POLR3C: variants seen among roughly 807,000 people sequenced by gnomAD.
POLR3C encodes DNA-directed RNA polymerase III subunit RPC3.
POLR3C carries 44 observed loss-of-function variants against 65.9 expected under a neutral mutation model. The ratio of observed to expected loss-of-function variants is 0.67; its 90% CI spans 0.52 to 0.86. POLR3C has a LOEUF of 0.86. Among genes scored for constraint, POLR3C ranks in the 40% least tolerant of loss-of-function variants. POLR3C has a pLI of 0.00. For missense variants in POLR3C, 576 were observed against 653.2 expected, an observed-to-expected ratio of 0.88 and a Z score of 1.29; for synonymous variants, 263 against 231.6, an observed-to-expected ratio of 1.14 and a Z score of -1.23.
At chr1:145,836,066 A>G (rs1430206555) in intron 7 of POLR3C, among the ~76,000 whole-genome samples, 1 of 151,572 alleles carries the variant, frequency 6.6e-6, no homozygotes, top group African/African-American at 2.4e-5. Flanking sequence ...TACTCTTACA[A>G]ACAATCCTGC....
chr1:145,840,080 C>T (rs782229509), intron 12 of POLR3C, 36 bp from the exon 13 acceptor site: 34 of 1,571,504 alleles, frequency 2.2e-5, no homozygotes, highest in Non-Finnish European at 2.7e-5. Context: ...TGAAATAGAA[C>T]TATGTGCATT....
intron 11 of POLR3C, among the ~76,000 whole-genome samples, chr1:145,838,671 AGT>A: frequency 6.6e-6 from 1 of 152,148 alleles, no homozygotes; most frequent in Non-Finnish European, 1.5e-5. Flanking sequence ...TGAGCAACAG[AGT>A]GAGACTCTGT....
chr1:145,827,258 G>T (rs1447598195), intron 4 of POLR3C, among the ~76,000 whole-genome samples: 1 of 152,144 alleles, frequency 6.6e-6, no homozygotes, highest in African/African-American at 2.4e-5. Flanking sequence ...TGAAGGAACT[G>T]TCATAGTATT....
At chr1:145,830,809 A>G (rs1651243371) in intron 5 of POLR3C, among the ~76,000 whole-genome samples, 1 of 151,562 alleles carries the variant, frequency 6.6e-6, no homozygotes, top group Non-Finnish European at 1.5e-5. Flanking sequence ...AAAAAAAAAA[A>G]AGAAATTGGG....
chr1:145,824,210 G>A lies in POLR3C; in HGVS notation c.-180G>A, dbSNP rs377048191. The A allele has an allele frequency of 2.7e-4, 84 of 306,462 alleles. 1 individual carries two copies. The Middle Eastern group carries it at 9.5e-3, about 35-fold the overall frequency. The allele number at this position is 306,462 out of a possible 1,614,324, so 19.0% of individuals were successfully genotyped here. A position where few individuals can be genotyped will look rare whatever the true frequency, so the allele number is the denominator to read the frequency against. ...CCGAAACTCTGGGGTAGAGTGGCAC[G>A]CGCTTTTTGCTTTTCCGCGTCTTCT... On this transcript the variant is annotated 5_prime_UTR_variant, in exon 1 of 15. Transcript: ENST00000334163.
At chr1:145,833,128 T>G (rs1651474228) in intron 5 of POLR3C, 132 bp from the exon 6 acceptor site, 2 of 594,820 alleles carry the variant, frequency 3.4e-6, no homozygotes, top group Admixed American at 6.5e-5. Flanking sequence ...CCAGTCTACA[T>G]GACTGAATGA....
chr1:145,831,026 G>A (rs958367039), intron 5 of POLR3C, among the ~76,000 whole-genome samples: 17 of 151,612 alleles, frequency 1.1e-4, no homozygotes, highest in Non-Finnish European at 2.1e-4. Context: ...TTGAGCCCAG[G>A]AAGTCAAGGC....
rs781836574 is a variant in POLR3C, at chr1:145,826,548, G to A, written c.242G>A (p.Arg81Gln). 40 of 1,613,936 alleles carry A rather than the reference G, an allele frequency of 2.5e-5. No individual in the cohort carries two copies. The South Asian group carries it at 4.0e-4, about 16-fold the overall frequency. The change falls in exon 3 of 15, where the codon CGG (arginine) becomes CAG (glutamine). Residue 81 changes from arginine to glutamine, a missense_variant. Transcript: ENST00000334163. ...GTGGAGTATGAAGCCCAGTGCAGCC[G>A]GGTATTGCGAATGCTTAGATATCCC... ...GVVEYEAQCS[R>Q]VLRMLRYPRY... is the part of the protein sequence containing the mutation.
At chr1:145,838,686 CAAAAAACAA>C (rs1487052116) in intron 11 of POLR3C, among the ~76,000 whole-genome samples, 2 of 151,476 alleles carry the variant, frequency 1.3e-5, no homozygotes, top group African/African-American at 4.9e-5. Context: ...GACTCTGTCT[CAAAAAACAA>C]AAAAAACAAA....
chr1:145,834,508 C>CAA (rs57975068), intron 7 of POLR3C, among the ~76,000 whole-genome samples: 21 of 108,816 alleles, frequency 1.9e-4, no homozygotes, highest in African/African-American at 5.6e-4. Context: ...TACTAAAATA[C>CAA]AAAAAAAAAA....
chr1:145,837,957 C>G, intron 10 of POLR3C, 99 bp from the exon 11 acceptor site: 1 of 1,079,194 alleles, frequency 9.3e-7, no homozygotes, highest in Non-Finnish European at 1.4e-6. Context: ...CTGTCTGGTA[C>G]TGGCTTCACA....
chr1:145,836,711 T>C, intron 8 of POLR3C, 104 bp from the exon 9 acceptor site: 2 of 944,288 alleles, frequency 2.1e-6, no homozygotes, highest in South Asian at 2.6e-5. Context: ...CCACATCATT[T>C]GATAGGAGGG....
chr1:145,826,913 C>T lies in POLR3C; in HGVS notation c.497C>T (p.Thr166Ile). 1.2e-6 allele frequency: 2 copies of T among 1,613,470 alleles called. No homozygotes were observed. The highest frequency in any genetic ancestry group is 4.5e-5 in the East Asian group (2 of 44,882). The change falls in exon 4 of 15, where the codon ACT becomes ATT. Residue 166 changes from threonine (T) to isoleucine (I), a missense_variant. Physicochemically the swap from Thr to Ile is moderately conservative, Grantham distance 89. Transcript: ENST00000334163. ...CAACGCTGCCCTTCGGTACCTACCA[C>T]TGAGAATTCAGACCCTGGGCCACCA... ...FVQRCPSVPTTENSDPGPPPP... is the reference protein window; with the variant it reads ...FVQRCPSVPTIENSDPGPPPP...
rs782519113 is a variant in POLR3C at position 145,839,877 on chromosome 1, A to G, written c.1222-13A>G. On this transcript the variant is annotated splice_polypyrimidine_tract_variant and intron_variant, in intron 11 of 14. Coordinates refer to ENST00000334163, the MANE Select transcript of POLR3C (RefSeq NM_006468.8). ...TATAATTTCTGCTATTTTTCTTTCT[A>G]TTGGACAAATAGGAAATTCCCAAAA... The G allele has an allele frequency of 1.0e-5, 15 of 1,431,130 alleles. No homozygotes were observed. The highest frequency in any genetic ancestry group is 4.5e-5 in the East Asian group (2 of 44,008). 88.7% of individuals were successfully genotyped at this position (1,431,130 alleles called of 1,614,324 possible).
chr1:145,827,034 ACTTGC>A, intron 4 of POLR3C, 29 bp downstream of exon 4: 1 of 1,515,666 alleles, frequency 6.6e-7, no homozygotes, highest in African/African-American at 1.4e-5. Context: ...TGGAACTGTG[ACTTGC>A]CTTAATTGTG....
chr1:145,833,656 T>C, intron 7 of POLR3C, 74 bp downstream of exon 7: 1 of 1,000,860 alleles, frequency 1.0e-6, no homozygotes, highest in South Asian at 1.3e-5. Flanking sequence ...ACACAGATCC[T>C]GAGTTTGGGT....
At chr1:145,841,158 A>T in intron 14 of POLR3C, 87 bp downstream of exon 14, 1 of 1,130,880 alleles carries the variant, frequency 8.8e-7, no homozygotes, top group Non-Finnish European at 1.3e-6. Context: ...GCTTAGCATG[A>T]GCAAACCTAA....
chr1:145,838,230 T>A, intron 11 of POLR3C, 24 bp downstream of exon 11: 1 of 1,604,502 alleles, frequency 6.2e-7, no homozygotes, highest in Non-Finnish European at 8.5e-7. Context: ...GGCGTAATAA[T>A]TGCCAACCAG....
intron 4 of POLR3C, among the ~76,000 whole-genome samples, 157 bp downstream of exon 4, chr1:145,827,162 C>T (rs1022098736): frequency 6.6e-6 from 1 of 152,118 alleles, no homozygotes; most frequent in Non-Finnish European, 1.5e-5. Context: ...TGCCATGGGG[C>T]TTTAGTATAG....
Sources: allele counts gnomAD v4.1 joint callset (sites outside exome capture counted in the v4.1 genomes callset), GRCh38; gene constraint gnomAD v4.1.1; transcripts MANE v1.5; gene names NCBI Gene and HGNC (gene_info 2026-07-23, HGNC 2026-07-21).